The following C6orf89 variants were observed in gnomAD, a reference collection of about 807,000 sequenced individuals.
C6orf89 encodes the protein bombesin receptor-activated protein C6orf89.
In C6orf89, 29 loss-of-function variants were observed where a neutral mutation model predicts 40.7. That is an observed-to-expected ratio of 0.71 (90% CI 0.53 to 0.97). The LOEUF (loss-of-function observed/expected upper bound fraction) is 0.97. C6orf89 is among the 50% of genes least tolerant of loss of function. C6orf89 has a pLI of 0.00. For missense variants in C6orf89, 392 were observed against 429.1 expected, an observed-to-expected ratio of 0.91 and a Z score of 0.76; for synonymous variants, 165 against 152.2, an observed-to-expected ratio of 1.08 and a Z score of -0.62.
Position 36,926,169 on chromosome 6 carries a change from A to G in C6orf89, c.*2728A>G, listed in dbSNP as rs926813916. ...CAGTCAAGTAGTGAATGGATACCAT[A>G]CTTATTATGGTTGATGAAAAAAGGC... is the stretch of plus-strand genomic sequence containing the variant. On this transcript the variant is annotated 3_prime_UTR_variant, in exon 9 of 9. Coordinates refer to ENST00000480824, the MANE Select transcript of C6orf89 (RefSeq NM_001286635.2). 4.6e-5 allele frequency: 7 copies of G among 152,186 alleles called. No individual in the cohort carries two copies. Among genetic ancestry groups the G allele is most frequent in the Non-Finnish European group, 8.8e-5 (6 of 68,042 alleles). The allele number at this position is 152,186 out of a possible 1,614,324, so 9.4% of individuals were successfully genotyped here. A position where few individuals can be genotyped will look rare whatever the true frequency, so the allele number is the denominator to read the frequency against.
At chr6:36,881,080 C>G (rs1424269654), upstream of C6orf89, among the ~76,000 whole-genome samples, 3 of 152,180 alleles carry the variant, frequency 2.0e-5, no homozygotes, top group Non-Finnish European at 4.4e-5. Context: ...AGAGTCGGAC[C>G]TTTATCTGCA....
chr6:36,914,635 T>C lies in C6orf89; in HGVS notation c.637T>C (p.Phe213Leu), dbSNP rs557741034. ...GGCGACAGAAGGCTTCTCTGAAGGG[T>C]TTTTCGCCAAGTGGTGGCGCTGCTT... ...PEATEGFSEGFFAKWWRCFPE... is the reference protein window; with the variant it reads ...PEATEGFSEGLFAKWWRCFPE... The change falls in exon 6 of 9, where the codon TTT (phenylalanine) becomes CTT (leucine). Residue 213 changes from phenylalanine to leucine, a missense_variant. Coordinates refer to ENST00000480824, the MANE Select transcript of C6orf89 (RefSeq NM_001286635.2). The C allele has an allele frequency of 3.1e-6, 5 of 1,614,116 alleles. No homozygotes were observed. Among genetic ancestry groups the C allele is most frequent in the African/African-American group, 2.7e-5 (2 of 75,028 alleles).
At position 36,914,344 on chromosome 6, in the gene C6orf89, A is replaced by C. The variant is rs375758016; in HGVS notation, c.464A>C (p.Asn155Thr). 42 of 1,614,054 alleles carry C rather than the reference A, an allele frequency of 2.6e-5. No individual in the cohort carries two copies. Among genetic ancestry groups the C allele is most frequent in the Non-Finnish European group, 3.2e-5 (38 of 1,180,040 alleles). ...AATGAGTCAGAGCCCATTCCTGCCA[A>C]CTGCACTGGCTGTGCCCAGAAACAC... ...EQNESEPIPA[N>T]CTGCAQKHLK... Residue 155 changes from asparagine to threonine, a missense_variant, in exon 5 of 9, where the codon AAC (asparagine) becomes ACC (threonine). Physicochemically the swap from Asn to Thr is moderately conservative, Grantham distance 65. Coordinates refer to ENST00000480824, the MANE Select transcript of C6orf89 (RefSeq NM_001286635.2).
intron 4 of C6orf89, among the ~76,000 whole-genome samples, chr6:36,907,765 AC>A (rs1761979723): frequency 6.6e-6 from 1 of 152,168 alleles, no homozygotes; most frequent in African/African-American, 2.4e-5. Flanking sequence ...ATTTACGCTG[AC>A]TTTTCTGTCT....
rs901935921 is a variant in C6orf89 at position 36,899,719 on chromosome 6, A to C, written c.189+86A>C. 5 of 1,291,742 alleles carry C rather than the reference A, an allele frequency of 3.9e-6. No individual in the cohort carries two copies. The African/African-American group carries it at 7.4e-5, about 19-fold the overall frequency. 80.0% of individuals were successfully genotyped at this position (1,291,742 alleles called of 1,614,324 possible). A position where few individuals can be genotyped will look rare whatever the true frequency, so the allele number is the denominator to read the frequency against. On this transcript the variant is annotated intron_variant, in intron 3 of 8. Coordinates refer to ENST00000480824, the MANE Select transcript of C6orf89 (RefSeq NM_001286635.2). Reference sequence around the variant, plus strand: ...ACAAATGCTATTGTTGACTAATCCCACCACTGAGCATTGGTTTTTCCGTGA... The same window carrying C: ...ACAAATGCTATTGTTGACTAATCCCCCCACTGAGCATTGGTTTTTCCGTGA...
chr6:36,902,546 C>A, intron 4 of C6orf89, 112 bp downstream of exon 4: 1 of 909,338 alleles, frequency 1.1e-6, no homozygotes. Context: ...TATATTGTAT[C>A]TTTTAATTCA....
chr6:36,882,073 A>C (rs1336892445), upstream of C6orf89, among the ~76,000 whole-genome samples: 1 of 152,064 alleles, frequency 6.6e-6, no homozygotes, highest in Non-Finnish European at 1.5e-5. Context: ...ATGGTTGAGG[A>C]AGGAAAGAAA....
At position 36,904,492 on chromosome 6, in the gene C6orf89, A is replaced by T. The variant is rs145873139; in HGVS notation, c.403+2058A>T. 2.0e-5 allele frequency among the ~76,000 whole-genome samples: 3 copies of T among 152,254 alleles called. No homozygotes were observed. In the East Asian group the frequency reaches 5.8e-4, roughly 29 times the overall value. On this transcript the variant is annotated intron_variant, in intron 4 of 8. Coordinates refer to ENST00000480824, the MANE Select transcript of C6orf89 (RefSeq NM_001286635.2). ...AGCACCATATTTTCCTATGTATGATAATTCTGGGAAGCTGTAGACATGTGA... is the reference window on the plus strand; with the variant it reads ...AGCACCATATTTTCCTATGTATGATTATTCTGGGAAGCTGTAGACATGTGA...
At position 36,912,746 on chromosome 6, in the gene C6orf89, A is replaced by C. The variant is rs143287849; in HGVS notation, c.404-1538A>C. ...TGGCAGTTGCCTCCAGGAAACACAG[A>C]TACTATCTTCAAGAGATGGAGGATG... On this transcript the variant is annotated intron_variant, in intron 4 of 8. Transcript: ENST00000480824. Among the ~76,000 whole-genome samples, 41 of 152,284 alleles carry C rather than the reference A, an allele frequency of 2.7e-4. 1 individual carries two copies. The South Asian group carries it at 7.7e-3, about 29-fold the overall frequency.
chr6:36,902,186 G>C (rs1016914921), intron 3 of C6orf89, 35 bp from the exon 4 acceptor site: 3 of 1,567,574 alleles, frequency 1.9e-6, no homozygotes, highest in African/African-American at 1.4e-5. Flanking sequence ...GTATTTGTTT[G>C]CTGGGATTAA....
chr6:36,878,809 A>G (rs181569086), intron 1 of C6orf89, among the ~76,000 whole-genome samples: 1 of 152,208 alleles, frequency 6.6e-6, no homozygotes, highest in Non-Finnish European at 1.5e-5. Flanking sequence ...AGCTTTAACC[A>G]ATCTCGCTGT....
At chr6:36,886,979 C>A (rs1775015526) in intron 1 of C6orf89, among the ~76,000 whole-genome samples, 2 of 152,210 alleles carry the variant, frequency 1.3e-5, no homozygotes, top group Admixed American at 1.3e-4. Context: ...CTGCCTTGGA[C>A]TGAGGCATTT....
At chr6:36,888,203 G>C (rs1352940095) in intron 1 of C6orf89, among the ~76,000 whole-genome samples, 1 of 152,186 alleles carries the variant, frequency 6.6e-6, no homozygotes, top group Admixed American at 6.5e-5. Context: ...TGGCCACACA[G>C]TAAGTGGTAA....
At position 36,914,394 on chromosome 6, in the gene C6orf89, G is replaced by A. The variant is rs771688537; in HGVS notation, c.514G>A (p.Ala172Thr). Residue 172 changes from alanine to threonine, a missense_variant, in exon 5 of 9, where the codon GCC becomes ACC. Transcript: ENST00000480824. ...CCTGAAGGTGATGCTCCTGGAAGAC[G>A]CCCCAAGGAAATTTGAGAGGCTCCA... ...KHLKVMLLED[A>T]PRKFERLHPL... The A allele has an allele frequency of 6.2e-6, 10 of 1,614,162 alleles. No individual in the cohort carries two copies. Among genetic ancestry groups the A allele is most frequent in the East Asian group, 4.5e-5 (2 of 44,884 alleles).
intron 1 of C6orf89, chr6:36,892,806 T>TC (rs1301514733): frequency 1.3e-5 from 2 of 152,160 alleles, no homozygotes; most frequent in African/African-American, 4.8e-5. Flanking sequence ...CTTCAGAACT[T>TC]CCCCCTGTAG....
chr6:36,885,137 AC>A (rs150689316), upstream of C6orf89, among the ~76,000 whole-genome samples: 1 of 152,376 alleles, frequency 6.6e-6, no homozygotes, highest in Non-Finnish European at 1.5e-5. Context: ...ATGAACTGTA[AC>A]ATAGCTTAAT....
intron 1 of C6orf89, chr6:36,874,838 C>A: frequency 6.4e-7 from 1 of 1,556,236 alleles, no homozygotes; most frequent in East Asian, 2.3e-5. Flanking sequence ...GCTGGGGACC[C>A]GTCGCTGCTG....
Position 36,916,252 on chromosome 6 carries a change from C to CTGTG in C6orf89, c.696-187_696-184dup, listed in dbSNP as rs146516258. 2.3e-3 allele frequency among the ~76,000 whole-genome samples: 346 copies of CTGTG among 152,328 alleles called. 2 individuals carry two copies. Among genetic ancestry groups the CTGTG allele is most frequent in the African/African-American group, 7.8e-3 (326 of 41,562 alleles). ...CAAATCATGGCTGTAGAGTTTATGC[C>CTGTG]TGTGTGTGTACACATTATAGTTCAT... On this transcript the variant is annotated intron_variant, in intron 6 of 8. Transcript: ENST00000480824.
At chr6:36,919,505 A>G in intron 7 of C6orf89, 73 bp from the exon 8 acceptor site, 1 of 1,534,906 alleles carries the variant, frequency 6.5e-7, no homozygotes, top group South Asian at 1.2e-5. Context: ...AAGCATTTTT[A>G]TTTACTAAAC....
Sources: allele counts gnomAD v4.1 joint callset (sites outside exome capture counted in the v4.1 genomes callset), GRCh38; gene constraint gnomAD v4.1.1; transcripts MANE v1.5; gene names NCBI Gene and HGNC (gene_info 2026-07-23, HGNC 2026-07-21).